Variants in NXNL2 observed in about 807,000 individuals in gnomAD.
The protein encoded by NXNL2 is nucleoredoxin like 2.
In NXNL2, 7 loss-of-function variants were observed where a neutral mutation model predicts 11.1. The observed-to-expected ratio is 0.63, with a 90% CI of 0.36 to 1.18. NXNL2 has a LOEUF of 1.18. NXNL2 is among the 50% of genes most tolerant of loss of function. The probability of loss-of-function intolerance (pLI) is 0.02; values close to 1 mark genes in which losing one functional copy is unlikely to be tolerated. For synonymous variants in NXNL2, 109 were observed against 101.8 expected, an observed-to-expected ratio of 1.07 and a Z score of -0.42; for missense variants, 233 against 217.7, an observed-to-expected ratio of 1.07 and a Z score of -0.44.
intron 2 of NXNL2, among the ~76,000 whole-genome samples, chr9:88,571,791 C>A (rs780485383): frequency 2.6e-5 from 4 of 152,184 alleles, no homozygotes; most frequent in Non-Finnish European, 5.9e-5. Context: ...GGGCATCTCA[C>A]TGGGCAAGAC....
At chr9:88,581,664 C>T (rs1830410070) in intron 1 of NXNL2, among the ~76,000 whole-genome samples, 1 of 152,202 alleles carries the variant, frequency 6.6e-6, no homozygotes. Context: ...CCATGTTCGT[C>T]AGGCTGGTCT....
At chr9:88,562,180 A>T (rs1436557469) in intron 1 of NXNL2, among the ~76,000 whole-genome samples, 1 of 152,216 alleles carries the variant, frequency 6.6e-6, no homozygotes, top group Non-Finnish European at 1.5e-5. Context: ...CCAGGCACAC[A>T]GAGTACATAC....
chr9:88,574,242 A>T (rs1830315837), intron 2 of NXNL2, among the ~76,000 whole-genome samples: 1 of 152,230 alleles, frequency 6.6e-6, no homozygotes, highest in South Asian at 2.1e-4. Flanking sequence ...TGATGAATGG[A>T]TACACAAATG....
At chr9:88,540,054 C>G (rs771734838) in intron 1 of NXNL2, among the ~76,000 whole-genome samples, 2 of 150,678 alleles carry the variant, frequency 1.3e-5, no homozygotes, top group African/African-American at 2.4e-5. Flanking sequence ...GTTGTGCGGC[C>G]GGGCGTGGTG....
At chr9:88,567,849 G>T (rs71510273) in intron 1 of NXNL2, among the ~76,000 whole-genome samples, 2 of 152,112 alleles carry the variant, frequency 1.3e-5, no homozygotes, top group Admixed American at 1.3e-4. Flanking sequence ...TCTCTGCATC[G>T]GGTTGCTCTC....
At position 88,535,371 on chromosome 9, in the gene NXNL2, C is replaced by T. The variant is rs1829581532; in HGVS notation, c.-64C>T. On this transcript the variant is annotated 5_prime_UTR_variant, in exon 1 of 2. Transcript: ENST00000375854. Reference sequence around the variant, plus strand: ...GGGGCACCGCGGCGCTCGCCGCCGCCTCCCCGCAGGTGATCATCCTCCTGC... The same window carrying T: ...GGGGCACCGCGGCGCTCGCCGCCGCTTCCCCGCAGGTGATCATCCTCCTGC... 4.1e-6 allele frequency: 6 copies of T among 1,451,312 alleles called. No homozygotes were observed. The East Asian group carries it at 1.2e-4, about 29-fold the overall frequency. 89.9% of individuals were successfully genotyped at this position (1,451,312 alleles called of 1,614,324 possible). A position where few individuals can be genotyped will look rare whatever the true frequency, so the allele number is the denominator to read the frequency against.
intron 1 of NXNL2, among the ~76,000 whole-genome samples, chr9:88,567,157 C>T (rs911811474): frequency 7.9e-5 from 12 of 151,536 alleles, no homozygotes; most frequent in Non-Finnish European, 1.5e-4. Flanking sequence ...TTTTTTTTCT[C>T]TGGGGGAGTC....
At chr9:88,547,027 C>G (rs1238199646), downstream of NXNL2, among the ~76,000 whole-genome samples, 4 of 152,186 alleles carry the variant, frequency 2.6e-5, no homozygotes, top group Admixed American at 2.6e-4. Flanking sequence ...TGGACATAGA[C>G]AAGCAGTGGC....
At chr9:88,558,351 C>CA (rs1323407189) in intron 1 of NXNL2, among the ~76,000 whole-genome samples, 1 of 152,134 alleles carries the variant, frequency 6.6e-6, no homozygotes, top group Non-Finnish European at 1.5e-5. Flanking sequence ...CCGGAGAGGG[C>CA]ATGGAAGCTC....
In NXNL2 at chr9:88,543,907, C is replaced by T. The variant is rs1028386506; in HGVS notation, c.303-472C>T. On this transcript the variant is annotated intron_variant, in intron 1 of 1. Transcript: ENST00000375854. The stretch of plus-strand genomic sequence containing the variant: ...CACCAAGGCTGGGCGTGGTGGCTAA[C>T]GCCTGTAATCCCAGCATTTTGGGAG... 4.3e-4 allele frequency among the ~76,000 whole-genome samples: 65 copies of T among 152,164 alleles called. 2 individuals are homozygous for T. Among genetic ancestry groups the T allele is most frequent in the Admixed American group, 4.1e-3 (62 of 15,272 alleles).
In NXNL2 at chr9:88,544,732, A is replaced by C; in HGVS notation, c.*185A>C. On this transcript the variant is annotated 3_prime_UTR_variant, in exon 2 of 2. Transcript: ENST00000375854. ...AAATAATACACTCCATATTTTGATC[A>C]TGCAGGCTGTTTGTATTATAGTTAT... is the stretch of plus-strand genomic sequence containing the variant. 1 of 1,371,700 alleles carries C rather than the reference A, an allele frequency of 7.3e-7. No homozygotes were observed. The highest frequency in any genetic ancestry group is 9.4e-7 in the Non-Finnish European group (1 of 1,067,970). 85.0% of individuals were successfully genotyped at this position (1,371,700 alleles called of 1,614,324 possible).
chr9:88,551,150 C>A (rs943431169), intron 1 of NXNL2, among the ~76,000 whole-genome samples: 7 of 152,182 alleles, frequency 4.6e-5, no homozygotes, highest in African/African-American at 7.2e-5. Context: ...CCTTAGCAAG[C>A]CTCTGTTTTC....
chr9:88,548,440 G>T (rs1188819674), downstream of NXNL2, among the ~76,000 whole-genome samples: 2 of 141,904 alleles, frequency 1.4e-5, no homozygotes, highest in Non-Finnish European at 3.0e-5. Flanking sequence ...AAGGTGTGTG[G>T]ATCACGAGGT....
intron 1 of NXNL2, 28 bp downstream of exon 1, chr9:88,535,764 G>GCCGCCCCGC (rs1290044275): frequency 1.3e-6 from 2 of 1,515,824 alleles, no homozygotes; most frequent in East Asian, 4.6e-5. Flanking sequence ...GGGGGCGGGG[G>GCCGCCCCGC]CCGCCCGGCA....
At chr9:88,576,025 TC>T (rs1394519027), downstream of NXNL2, among the ~76,000 whole-genome samples, 1 of 152,102 alleles carries the variant, frequency 6.6e-6, no homozygotes, top group Admixed American at 6.5e-5. Flanking sequence ...AAATCCCGTC[TC>T]TACTAAAAAA....
chr9:88,573,508 C>T (rs930421109), intron 2 of NXNL2, among the ~76,000 whole-genome samples: 4 of 152,110 alleles, frequency 2.6e-5, no homozygotes, highest in African/African-American at 4.8e-5. Flanking sequence ...AATGCTCTAA[C>T]AGAGATTGGT....
At chr9:88,566,628 T>C (rs1830174555) in intron 1 of NXNL2, among the ~76,000 whole-genome samples, 1 of 152,050 alleles carries the variant, frequency 6.6e-6, no homozygotes. Context: ...CTTTTAGGAG[T>C]TTTACAGTTT....
intron 1 of NXNL2, among the ~76,000 whole-genome samples, chr9:88,543,023 A>C (rs1170086000): frequency 6.6e-6 from 1 of 152,216 alleles, no homozygotes; most frequent in Non-Finnish European, 1.5e-5. Flanking sequence ...CCCTGTCTTG[A>C]GGGAGTAATC....
chr9:88,561,625 G>C (rs764852233), intron 1 of NXNL2, among the ~76,000 whole-genome samples: 1 of 152,056 alleles, frequency 6.6e-6, no homozygotes, highest in Non-Finnish European at 1.5e-5. Flanking sequence ...AGGGGGAAAG[G>C]TAGGGGTGTG....
Sources: gnomAD v4.1 joint callset for allele counts (sites outside exome capture counted in the v4.1 genomes callset) on GRCh38, gnomAD v4.1.1 for gene constraint, MANE v1.5 for transcripts, NCBI Gene and HGNC (gene_info 2026-07-23, HGNC 2026-07-21) for gene names.